Variants in INTU observed in about 807,000 individuals in gnomAD.
The protein encoded by INTU is inturned planar cell polarity protein, also known as protein inturned.
Under a neutral mutation model 100.5 loss-of-function variants are expected in INTU, and 68 were observed. That is an observed-to-expected ratio of 0.68 (90% CI 0.56 to 0.83). The LOEUF is 0.83. INTU is among the 40% of genes least tolerant of loss of function. The pLI, the probability that INTU is intolerant of heterozygous loss-of-function variation, is 0.00. For missense variants in INTU, 1,071 were observed against 1,114.7 expected (o/e 0.96, Z 0.56); for synonymous variants, 357 against 395.7 (o/e 0.90, Z 1.16).
intron 9 of INTU, among the ~76,000 whole-genome samples, chr4:127,701,716 T>A (rs1730659106): frequency 6.6e-6 from 1 of 152,144 alleles, no homozygotes; most frequent in Non-Finnish European, 1.5e-5. Context: ...ATGATGGCTA[T>A]ACAGGAACTA....
chr4:127,695,310 C>T (rs1160125240), intron 8 of INTU, among the ~76,000 whole-genome samples: 1 of 152,086 alleles, frequency 6.6e-6, no homozygotes, highest in Non-Finnish European at 1.5e-5. Context: ...TATAGGAAAG[C>T]AATTGACTTC....
At chr4:127,704,515 C>T (rs1189030834) in intron 10 of INTU, among the ~76,000 whole-genome samples, 5 of 152,134 alleles carry the variant, frequency 3.3e-5, no homozygotes, top group Admixed American at 3.3e-4. Flanking sequence ...TGGGCTTAAG[C>T]AATTCCCAAG....
intron 2 of INTU, among the ~76,000 whole-genome samples, chr4:127,646,774 C>A (rs1174045553): frequency 6.6e-6 from 1 of 152,050 alleles, no homozygotes; most frequent in Non-Finnish European, 1.5e-5. Flanking sequence ...GGCCTTAATT[C>A]TCTCTAGTTT....
intron 1 of INTU, 23 bp downstream of exon 1, chr4:127,633,203 A>G (rs775210674): frequency 3.5e-5 from 57 of 1,608,708 alleles, no homozygotes; most frequent in Middle Eastern, 1.6e-4. Context: ...AAGAGGGACA[A>G]TTAATCCCAT....
At chr4:127,716,017 A>G (rs1483513137) in intron 15 of INTU, among the ~76,000 whole-genome samples, 2 of 152,198 alleles carry the variant, frequency 1.3e-5, no homozygotes, top group Admixed American at 6.5e-5. Context: ...TATTGTGCCT[A>G]TAATGCTAGT....
chr4:127,657,415 G>T (rs528851719), intron 3 of INTU, among the ~76,000 whole-genome samples: 2 of 151,992 alleles, frequency 1.3e-5, no homozygotes, highest in Non-Finnish European at 2.9e-5. Flanking sequence ...TTTTTGGGGG[G>T]ATAGGGAAGA....
chr4:127,687,669 T>A lies in INTU; in HGVS notation c.1260-9T>A. On this transcript the variant is annotated splice_polypyrimidine_tract_variant and intron_variant, in intron 7 of 15. Coordinates refer to ENST00000335251, the MANE Select transcript of INTU (RefSeq NM_015693.4). ...ATGTCGTTCTAACTTACAGCTCTTA[T>A]TTCTCCAGTGCCTTTTGCCAGATTG... The A allele has an allele frequency of 6.2e-7, 1 of 1,601,446 alleles. No individual in the cohort carries two copies. Among genetic ancestry groups the A allele is most frequent in the South Asian group, 1.1e-5 (1 of 90,064 alleles).
rs772613352 is a variant in INTU, at chr4:127,643,831, A to G, written c.457A>G (p.Ile153Val). Residue 153 changes from isoleucine to valine, a missense_variant, in exon 2 of 16, where the codon ATT becomes GTT. Transcript: ENST00000335251. ...KHQSNQKTGV[I>V]VQQRYKDVNV... ...TCAGTCCAATCAGAAGACAGGAGTC[A>G]TTGTCCAACAGCGATACAAAGATGT... 3 of 1,613,946 alleles carry G rather than the reference A, an allele frequency of 1.9e-6. No individual in the cohort carries two copies. In the African/African-American group the frequency reaches 4.0e-5, roughly 22 times the overall value.
At chr4:127,675,347 G>A (rs73847041) in intron 6 of INTU, among the ~76,000 whole-genome samples, 1,621 of 152,242 alleles carry the variant, frequency 0.011, 30 homozygotes, top group African/African-American at 0.036. Context: ...GAAAGAAAAA[G>A]ATGTACCAGA....
intron 12 of INTU, among the ~76,000 whole-genome samples, chr4:127,707,840 G>T (rs535690602): frequency 1.3e-5 from 2 of 152,096 alleles, no homozygotes; most frequent in Admixed American, 6.6e-5. Context: ...ACCCTGGGAG[G>T]CTTTGTACTT....
chr4:127,716,582 C>T lies in INTU; in HGVS notation c.*146C>T. The T allele has an allele frequency of 2.6e-6, 1 of 388,170 alleles. No individual in the cohort carries two copies. Among genetic ancestry groups the T allele is most frequent in the Non-Finnish European group, 4.6e-6 (1 of 217,918 alleles). 24.0% of individuals were successfully genotyped at this position (388,170 alleles called of 1,614,324 possible). A position where few individuals can be genotyped will look rare whatever the true frequency, so the allele number is the denominator to read the frequency against. On this transcript the variant is annotated 3_prime_UTR_variant, in exon 16 of 16. Coordinates refer to ENST00000335251, the MANE Select transcript of INTU (RefSeq NM_015693.4). ...TATTGTTAAATATTGAGATGAAATG[C>T]TGTTGGATTTGATACATTAAATCTT... is the stretch of plus-strand genomic sequence containing the variant.
At chr4:127,666,656 G>A (rs1283669971) in intron 4 of INTU, among the ~76,000 whole-genome samples, 2 of 152,158 alleles carry the variant, frequency 1.3e-5, no homozygotes, top group Admixed American at 6.5e-5. Flanking sequence ...AGTAATGGAG[G>A]AAGTTAGAAG....
rs1730964959 is a variant in INTU at position 127,708,185 on chromosome 4, C to G, written c.2272-386C>G. Among the ~76,000 whole-genome samples, 5 of 152,184 alleles carry G rather than the reference C, an allele frequency of 3.3e-5. No homozygotes were observed. The South Asian group carries it at 1.0e-3, about 32-fold the overall frequency. On this transcript the variant is annotated intron_variant, in intron 12 of 15. Transcript: ENST00000335251. ...AGAAATTGAGTTAACCTTTAAGATT[C>G]AGCCATTCAACAAAGGTTGATTGAA... is the stretch of plus-strand genomic sequence containing the variant.
chr4:127,638,545 G>A (rs1727172630), intron 1 of INTU, among the ~76,000 whole-genome samples: 1 of 152,110 alleles, frequency 6.6e-6, no homozygotes, highest in Non-Finnish European at 1.5e-5. Flanking sequence ...ATTAAAAGAT[G>A]TAGTGTTGAC....
intron 8 of INTU, among the ~76,000 whole-genome samples, chr4:127,694,192 T>C (rs907947595): frequency 2.0e-5 from 3 of 152,132 alleles, no homozygotes; most frequent in Non-Finnish European, 2.9e-5. Context: ...TGTGAGTCTG[T>C]CTGGTCCTGG....
Position 127,632,981 on chromosome 4 carries a change from A to T in INTU, c.-54A>T. The T allele has an allele frequency of 1.3e-6, 2 of 1,565,664 alleles. No homozygotes were observed. The highest frequency in any genetic ancestry group is 2.3e-5 in the South Asian group (2 of 86,990). ...CAGAGGCAACATGGCGGCCTTAGCA[A>T]GCTATAGCTGCGAGATTTGAATTAC... On this transcript the variant is annotated 5_prime_UTR_variant, in exon 1 of 16. It adds an upstream start codon to the 5' untranslated region. Transcript: ENST00000335251.
chr4:127,707,277 G>A (rs1363694179), intron 12 of INTU, among the ~76,000 whole-genome samples: 1 of 151,406 alleles, frequency 6.6e-6, no homozygotes, highest in Non-Finnish European at 1.5e-5. Flanking sequence ...AGATGCATCG[G>A]GAGGCTGAGG....
rs1393300156 is a variant in INTU at position 127,643,746 on chromosome 4, A to G, written c.372A>G (p.Leu124=). ...FTKILRRKRL[L]PKRCNKKNSN... Reference sequence around the variant, plus strand: ...AAATTTTAAGAAGGAAAAGACTTTTACCCAAGCGCTGCAATAAAAAAAATA... The same window carrying G: ...AAATTTTAAGAAGGAAAAGACTTTTGCCCAAGCGCTGCAATAAAAAAAATA... The change falls in exon 2 of 16, where the codon TTA becomes TTG. Residue 124 remains leucine (L), a synonymous_variant. Coordinates refer to ENST00000335251, the MANE Select transcript of INTU (RefSeq NM_015693.4). 6.8e-6 allele frequency: 11 copies of G among 1,612,368 alleles called. No homozygotes were observed. Among genetic ancestry groups the G allele is most frequent in the Non-Finnish European group, 9.3e-6 (11 of 1,179,640 alleles).
At chr4:127,664,515 T>A (rs891229363) in intron 4 of INTU, among the ~76,000 whole-genome samples, 4 of 152,068 alleles carry the variant, frequency 2.6e-5, no homozygotes, top group Non-Finnish European at 4.4e-5. Flanking sequence ...TCTAAATATT[T>A]ATGCTTTATA....
Sources: gnomAD v4.1 joint callset for allele counts (sites outside exome capture counted in the v4.1 genomes callset) on GRCh38, gnomAD v4.1.1 for gene constraint, MANE v1.5 for transcripts, NCBI Gene and HGNC (gene_info 2026-07-23, HGNC 2026-07-21) for gene names.